Variants in XPR1 observed in about 807,000 individuals in gnomAD.
The protein encoded by XPR1 is xenotropic and polytropic retrovirus receptor 1.
XPR1 carries 28 observed loss-of-function variants against 87.5 expected under a neutral mutation model. The observed-to-expected ratio is 0.32, with a 90% confidence interval of 0.24 to 0.44. The LOEUF is 0.44. Ranked by LOEUF, XPR1 falls within the 20% of genes least tolerant of loss-of-function variation. The pLI is 1.00. For missense variants in XPR1, 559 were observed against 862.3 expected, an observed-to-expected ratio of 0.65 and a Z score of 4.41; for synonymous variants, 300 against 306.1, an observed-to-expected ratio of 0.98 and a Z score of 0.21.
intron 1 of XPR1, among the ~76,000 whole-genome samples, chr1:180,680,351 T>C (rs935594260): frequency 2.4e-5 from 3 of 127,156 alleles, no homozygotes; most frequent in Admixed American, 8.0e-5. Context: ...TAACTACAAA[T>C]AGAACCTTTT....
intron 2 of XPR1, among the ~76,000 whole-genome samples, chr1:180,721,741 T>G (rs996202563): frequency 1.3e-5 from 2 of 152,226 alleles, no homozygotes; most frequent in African/African-American, 4.8e-5. Flanking sequence ...CCTCAGCATA[T>G]TCAATGTGAA....
chr1:180,663,466 C>T (rs1655846292), intron 1 of XPR1, among the ~76,000 whole-genome samples: 1 of 152,166 alleles, frequency 6.6e-6, no homozygotes, highest in African/African-American at 2.4e-5. Context: ...GACTCTTGTT[C>T]TCATCTTTTA....
intron 12 of XPR1, among the ~76,000 whole-genome samples, chr1:180,865,829 C>T (rs1181523736): frequency 6.6e-6 from 1 of 151,972 alleles, no homozygotes; most frequent in Admixed American, 6.6e-5. Context: ...ATTTTCATGA[C>T]TCTAAAAAAC....
intron 2 of XPR1, among the ~76,000 whole-genome samples, chr1:180,745,110 G>C (rs538874205): frequency 6.6e-6 from 1 of 152,290 alleles, no homozygotes; most frequent in African/African-American, 2.4e-5. Flanking sequence ...CTGGACAGCA[G>C]TATATTCATA....
rs530390609 is a variant in XPR1 at position 180,835,034 on chromosome 1, A to G, written c.1295A>G (p.Asn432Ser). 6.2e-6 allele frequency: 10 copies of G among 1,613,906 alleles called. No individual in the cohort carries two copies. Among genetic ancestry groups the G allele is most frequent in the East Asian group, 2.2e-5 (1 of 44,868 alleles). ...KWDESKGLLP[N>S]NSEESGICHK... is the part of the protein sequence containing the mutation. ...GATGAAAGTAAGGGCCTGTTGCCAA[A>G]TAATTCAGAAGGTAGGGTATGAATT... Residue 432 changes from asparagine to serine, a missense_variant, in exon 10 of 15, where the codon AAT becomes AGT. By Grantham distance (46) the Asn-to-Ser change is conservative (BLOSUM62 1). Coordinates refer to ENST00000367590, the MANE Select transcript of XPR1 (RefSeq NM_004736.4).
intron 2 of XPR1, among the ~76,000 whole-genome samples, chr1:180,692,675 A>G (rs753056882): frequency 9.9e-5 from 15 of 152,190 alleles, no homozygotes; most frequent in Admixed American, 5.2e-4. Context: ...CTAAGAGGCA[A>G]GGTGTACTTC....
chr1:180,820,061 A>G (rs1347320789), intron 7 of XPR1, among the ~76,000 whole-genome samples: 2 of 152,050 alleles, frequency 1.3e-5, no homozygotes, highest in Non-Finnish European at 2.9e-5. Flanking sequence ...ACATACACAC[A>G]TACCTAACAT....
intron 2 of XPR1, among the ~76,000 whole-genome samples, chr1:180,708,226 T>TA (rs1157353459): frequency 6.6e-6 from 1 of 152,230 alleles, no homozygotes; most frequent in African/African-American, 2.4e-5. Flanking sequence ...GGTTTTTGCC[T>TA]ACTGTTTTTG....
At chr1:180,769,372 G>GGT (rs1310874503) in intron 2 of XPR1, among the ~76,000 whole-genome samples, 13 of 134,430 alleles carry the variant, frequency 9.7e-5, no homozygotes, top group African/African-American at 3.6e-4. Context: ...GTTTTTTTGT[G>GGT]TTTTTTTTTT....
At chr1:180,833,648 A>C (rs1415932188) in intron 9 of XPR1, among the ~76,000 whole-genome samples, 1 of 145,130 alleles carries the variant, frequency 6.9e-6, no homozygotes, top group East Asian at 1.9e-4. Context: ...GCAAACTTAA[A>C]AACAAGAACA....
intron 7 of XPR1, among the ~76,000 whole-genome samples, chr1:180,819,834 A>G (rs918965772): frequency 1.2e-4 from 19 of 152,230 alleles, no homozygotes; most frequent in South Asian, 1.0e-3. Context: ...CCTAGGCAAC[A>G]TGGCAAAACC....
At chr1:180,731,294 T>TA (rs2102011138) in intron 2 of XPR1, among the ~76,000 whole-genome samples, 1 of 152,292 alleles carries the variant, frequency 6.6e-6, no homozygotes, top group Non-Finnish European at 1.5e-5. Flanking sequence ...TAATCACTAA[T>TA]AAAAGTATTG....
chr1:180,689,384 A>T (rs1480450438), intron 2 of XPR1, among the ~76,000 whole-genome samples: 2 of 152,184 alleles, frequency 1.3e-5, no homozygotes, highest in African/African-American at 4.8e-5. Flanking sequence ...AGATTTAAGA[A>T]TTTTTTAAAA....
chr1:180,844,654 A>G (rs1361551883), intron 11 of XPR1, among the ~76,000 whole-genome samples: 1 of 152,222 alleles, frequency 6.6e-6, no homozygotes, highest in African/African-American at 2.4e-5. Flanking sequence ...TCAGCTGGGA[A>G]TTGACTGGAC....
chr1:180,688,206 C>A (rs966277684), intron 2 of XPR1, among the ~76,000 whole-genome samples: 9 of 151,366 alleles, frequency 5.9e-5, no homozygotes, highest in Non-Finnish European at 1.3e-4. Context: ...GTGCCTGCCA[C>A]CATGCCCGAC....
chr1:180,816,188 G>C (rs1297532929), intron 7 of XPR1, among the ~76,000 whole-genome samples: 1 of 152,184 alleles, frequency 6.6e-6, no homozygotes, highest in Non-Finnish European at 1.5e-5. Context: ...CTGGCGGGTA[G>C]GAGAGGGGAT....
chr1:180,853,200 T>G (rs1419305233), intron 11 of XPR1, among the ~76,000 whole-genome samples: 1 of 152,214 alleles, frequency 6.6e-6, no homozygotes, highest in East Asian at 1.9e-4. Flanking sequence ...ATTACTGGGA[T>G]TATAGGCATG....
chr1:180,829,732 C>G (rs1364952573), intron 9 of XPR1, among the ~76,000 whole-genome samples: 1 of 151,972 alleles, frequency 6.6e-6, no homozygotes, highest in Non-Finnish European at 1.5e-5. Context: ...TTATATTCTT[C>G]CCTTCATTGG....
intron 6 of XPR1, among the ~76,000 whole-genome samples, chr1:180,809,948 A>G (rs867394960): frequency 3.9e-5 from 6 of 152,162 alleles, no homozygotes; most frequent in African/African-American, 1.4e-4. Context: ...CTATTAAGTA[A>G]TAATAAGACA....
Sources: allele counts gnomAD v4.1 joint callset (sites outside exome capture counted in the v4.1 genomes callset), GRCh38; gene constraint gnomAD v4.1.1; transcripts MANE v1.5; gene names NCBI Gene and HGNC (gene_info 2026-07-23, HGNC 2026-07-21).